Variants in CDC42SE2 observed in about 807,000 individuals in gnomAD.
CDC42SE2 encodes CDC42 small effector 2.
A neutral mutation model predicts 11.5 loss-of-function variants in CDC42SE2; 3 were observed. The observed-to-expected ratio is 0.26, with a 90% CI of 0.12 to 0.67. CDC42SE2 has a LOEUF of 0.67. CDC42SE2 is among the 30% of genes least tolerant of loss of function. CDC42SE2 has a pLI of 0.80. For synonymous variants in CDC42SE2, 33 were observed against 34.8 expected, an observed-to-expected ratio of 0.95 and a Z score of 0.18; for missense variants, 82 against 106.8, an observed-to-expected ratio of 0.77 and a Z score of 1.02.
chr5:131,314,712 T>C (rs1758004486), intron 1 of CDC42SE2, among the ~76,000 whole-genome samples: 4 of 152,206 alleles, frequency 2.6e-5, no homozygotes, highest in African/African-American at 9.6e-5. Flanking sequence ...TAGTTCACTG[T>C]CAGTTTAGAG....
At chr5:131,363,153 A>G (rs1370652210) in intron 3 of CDC42SE2, among the ~76,000 whole-genome samples, 1 of 152,080 alleles carries the variant, frequency 6.6e-6, no homozygotes, top group East Asian at 1.9e-4. Context: ...AAAAAAAAAA[A>G]AGATTTATTA....
intron 2 of CDC42SE2, among the ~76,000 whole-genome samples, chr5:131,358,223 T>G (rs923126101): frequency 3.9e-5 from 6 of 152,210 alleles, no homozygotes; most frequent in African/African-American, 1.4e-4. Context: ...CATCTTAACT[T>G]GACTATTGTA....
rs34594352 is a variant in CDC42SE2, at chr5:131,339,246, G to GAAAA, written c.-285-19940_-285-19937dup. Among the ~76,000 whole-genome samples, 105 of 28,240 alleles carry GAAAA rather than the reference G, an allele frequency of 3.7e-3. 7 individuals carry two copies. The highest frequency in any genetic ancestry group is 9.2e-3 in the African/African-American group (88 of 9,586). The allele number at this position is 28,240 out of a possible 152,430, so 18.5% of individuals were successfully genotyped here. A position where few individuals can be genotyped will look rare whatever the true frequency, so the allele number is the denominator to read the frequency against. ...GTGGTGACAGAGTGAGACTCTGTCT[G>GAAAA]AAAAAAAAAAAAAAAAAAAAAAAAA... On this transcript the variant is annotated intron_variant, in intron 2 of 4. Coordinates refer to ENST00000505065, the MANE Select transcript of CDC42SE2 (RefSeq NM_001375635.1).
At chr5:131,345,339 A>G (rs171536) in intron 2 of CDC42SE2, among the ~76,000 whole-genome samples, 65,311 of 151,926 alleles carry the variant, frequency 0.43, 18,031 homozygotes, top group African/African-American at 0.79. Context: ...ACCATGGCAC[A>G]AGAACTACGT....
chr5:131,214,158 G>A, the CDC42SE2 span, among the ~76,000 whole-genome samples: 1 of 152,308 alleles, frequency 6.6e-6, no homozygotes, highest in African/African-American at 2.4e-5. Flanking sequence ...TGTATTTTTA[G>A]TGTCTTAAAG....
chr5:131,345,865 A>G (rs1199400569), intron 2 of CDC42SE2, among the ~76,000 whole-genome samples: 1 of 152,172 alleles, frequency 6.6e-6, no homozygotes, highest in Non-Finnish European at 1.5e-5. Context: ...AAAGAAAAGA[A>G]TTTTCAACCC....
At chr5:131,316,366 C>G (rs1039582284) in intron 2 of CDC42SE2, among the ~76,000 whole-genome samples, 11 of 152,152 alleles carry the variant, frequency 7.2e-5, no homozygotes, top group African/African-American at 2.7e-4. Context: ...TTTCCTTTGC[C>G]TAGGCATTTT....
chr5:131,346,133 A>G (rs1758837990), intron 2 of CDC42SE2, among the ~76,000 whole-genome samples: 1 of 152,204 alleles, frequency 6.6e-6, no homozygotes, highest in Admixed American at 6.5e-5. Context: ...TAATGACAGG[A>G]TCGAATTCAC....
intron 2 of CDC42SE2, among the ~76,000 whole-genome samples, chr5:131,333,579 C>T (rs563660229): frequency 6.6e-6 from 1 of 152,196 alleles, no homozygotes; most frequent in East Asian, 1.9e-4. Context: ...TTTCATGATA[C>T]TGATTTTTCC....
chr5:131,230,027 C>T, the CDC42SE2 span, among the ~76,000 whole-genome samples: 1 of 152,138 alleles, frequency 6.6e-6, no homozygotes. Context: ...CTTTGAATAT[C>T]CTTTCTTTTC....
chr5:131,321,635 A>G (rs1336622042), intron 2 of CDC42SE2, among the ~76,000 whole-genome samples: 1 of 152,204 alleles, frequency 6.6e-6, no homozygotes, highest in Non-Finnish European at 1.5e-5. Context: ...GTGAAAGGCT[A>G]CACAAGAAGC....
intron 2 of CDC42SE2, among the ~76,000 whole-genome samples, chr5:131,322,097 G>C (rs986998305): frequency 6.6e-6 from 1 of 151,778 alleles, no homozygotes; most frequent in African/African-American, 2.4e-5. Flanking sequence ...TGATTCACCT[G>C]CCTCGGGCTC....
the CDC42SE2 span, among the ~76,000 whole-genome samples, chr5:131,212,140 C>T: frequency 1.3e-5 from 2 of 152,052 alleles, no homozygotes; most frequent in African/African-American, 2.4e-5. Context: ...CGGAGTGTCA[C>T]TCTGTCACCC....
chr5:131,223,379 T>TG, the CDC42SE2 span, among the ~76,000 whole-genome samples: 24 of 152,198 alleles, frequency 1.6e-4, no homozygotes, highest in African/African-American at 5.3e-4. Context: ...GGAAGATGTC[T>TG]GGGGGGGCAC....
the CDC42SE2 span, among the ~76,000 whole-genome samples, chr5:131,227,645 G>A: frequency 6.6e-6 from 1 of 152,086 alleles, no homozygotes; most frequent in Non-Finnish European, 1.5e-5. Flanking sequence ...GTATAAAAAC[G>A]AAAAGTTCTG....
chr5:131,389,665 C>T (rs1750590364), intron 4 of CDC42SE2, among the ~76,000 whole-genome samples: 1 of 152,218 alleles, frequency 6.6e-6, no homozygotes, highest in African/African-American at 2.4e-5. Flanking sequence ...CAGTGGAAAG[C>T]ACCTCACCCT....
At chr5:131,375,376 T>C (rs1314635085) in intron 3 of CDC42SE2, among the ~76,000 whole-genome samples, 1 of 152,216 alleles carries the variant, frequency 6.6e-6, no homozygotes, top group African/African-American at 2.4e-5. Flanking sequence ...TAAGATTGAA[T>C]TGTAAATGCA....
At chr5:131,341,709 T>C (rs112408456) in intron 2 of CDC42SE2, among the ~76,000 whole-genome samples, 18 of 152,214 alleles carry the variant, frequency 1.2e-4, no homozygotes, top group African/African-American at 3.6e-4. Context: ...AGATCTGATA[T>C]AGGTACATAA....
chr5:131,239,138 C>T, the CDC42SE2 span, among the ~76,000 whole-genome samples: 1 of 148,260 alleles, frequency 6.7e-6, no homozygotes, highest in Non-Finnish European at 1.5e-5. Context: ...CCAGCCTGGG[C>T]GACAGAGACA....
Sources: allele counts gnomAD v4.1 joint callset (sites outside exome capture counted in the v4.1 genomes callset), GRCh38; gene constraint gnomAD v4.1.1; transcripts MANE v1.5; gene names NCBI Gene and HGNC (gene_info 2026-07-23, HGNC 2026-07-21).